The following ELMOD3 variants were observed in gnomAD, a reference collection of about 807,000 sequenced individuals.
ELMOD3 encodes ELMO domain containing 3.
A neutral mutation model predicts 47.4 loss-of-function variants in ELMOD3; 36 were observed. The observed-to-expected ratio is 0.76, with a 90% CI of 0.58 to 1.00. ELMOD3 has a LOEUF of 1.00. Ranked by LOEUF, ELMOD3 falls within the 50% of genes least tolerant of loss-of-function variation. The pLI is 0.00. For synonymous variants in ELMOD3, 149 were observed against 183.5 expected (o/e 0.81, Z 1.52); for missense variants, 404 against 463.8 (o/e 0.87, Z 1.18).
rs1686342714 is a variant in ELMOD3 at position 85,391,374 on chromosome 2, C to T, written c.*412C>T. 1 of 182,502 alleles carries T rather than the reference C, an allele frequency of 5.5e-6. No homozygotes were observed. Among genetic ancestry groups the T allele is most frequent in the Non-Finnish European group, 1.2e-5 (1 of 86,732 alleles). The allele number at this position is 182,502 out of a possible 1,614,324, so 11.3% of individuals were successfully genotyped here. A position where few individuals can be genotyped will look rare whatever the true frequency, so the allele number is the denominator to read the frequency against. On this transcript the variant is annotated 3_prime_UTR_variant, in exon 14 of 14. Transcript: ENST00000409013. ...CTGGCAGCAGCAGGGCTTTCAGGCACCAGTGTCTGTGTTGTTAGAACTCAG... is the reference window on the plus strand; with the variant it reads ...CTGGCAGCAGCAGGGCTTTCAGGCATCAGTGTCTGTGTTGTTAGAACTCAG...
Position 85,371,504 on chromosome 2 carries a change from CG to C in ELMOD3, c.551del (p.Gly184AlafsTer27), listed in dbSNP as rs750341592. 68 of 1,614,044 alleles carry C rather than the reference CG, an allele frequency of 4.2e-5. No individual in the cohort carries two copies. The highest frequency in any genetic ancestry group is 5.6e-5 in the Non-Finnish European group (66 of 1,180,036). On this transcript the variant is annotated frameshift_variant, in exon 10 of 14. Transcript: ENST00000409013. LOFTEE classifies it high-confidence loss of function. ...VLQTIYKKLTGSKFDCALHGN... is the reference protein window; with the variant it reads ...VLQTIYKKLTXSKFDCALHGN... Reference sequence around the variant, plus strand: ...TCCAGACCATCTATAAGAAGCTGACCGGCTCCAAGTTTGACTGTGCCCTTCA... The same window carrying C: ...TCCAGACCATCTATAAGAAGCTGACCGCTCCAAGTTTGACTGTGCCCTTCA...
chr2:85,382,521 C>CTTTTTTTTT lies in ELMOD3; in HGVS notation c.738+5050_738+5058dup, dbSNP rs112459154. 3.2e-3 allele frequency among the ~76,000 whole-genome samples: 452 copies of CTTTTTTTTT among 143,232 alleles called. 6 individuals are homozygous for CTTTTTTTTT. Among genetic ancestry groups the CTTTTTTTTT allele is most frequent in the African/African-American group, 7.0e-3 (270 of 38,758 alleles). 94.0% of individuals were successfully genotyped at this position (143,232 alleles called of 152,430 possible). ...GCCCTGTAACTCAATGTCACAAGGA[C>CTTTTTTTTT]TTTTTTTTTTTGAGACAGAGTCTCA... On this transcript the variant is annotated intron_variant, in intron 11 of 13. Transcript: ENST00000409013.
chr2:85,387,387 C>T (rs374136867), intron 11 of ELMOD3, among the ~76,000 whole-genome samples: 16 of 152,212 alleles, frequency 1.1e-4, no homozygotes, highest in African/African-American at 3.9e-4. Context: ...TAAGGCCAGG[C>T]GCAGTGGCTC....
At chr2:85,379,194 ATTTTG>A (rs950331637) in intron 11 of ELMOD3, among the ~76,000 whole-genome samples, 3 of 152,050 alleles carry the variant, frequency 2.0e-5, no homozygotes, top group African/African-American at 7.3e-5. Flanking sequence ...TTAAAACATT[ATTTTG>A]TTTTGTTTTG....
At position 85,354,804 on chromosome 2, in the gene ELMOD3, C is replaced by A. The variant is rs919088414; in HGVS notation, c.-397C>A. 7 of 303,952 alleles carry A rather than the reference C, an allele frequency of 2.3e-5. No individual in the cohort carries two copies. The highest frequency in any genetic ancestry group is 1.3e-4 in the African/African-American group (6 of 45,698). 18.8% of individuals were successfully genotyped at this position (303,952 alleles called of 1,614,324 possible). Reference sequence around the variant, plus strand: ...GAGGCCTAGCCGAGGCGGCGGGACCCCCAAGTTTGGAAAGCTCTTTTAACG... The same window carrying A: ...GAGGCCTAGCCGAGGCGGCGGGACCACCAAGTTTGGAAAGCTCTTTTAACG... On this transcript the variant is annotated 5_prime_UTR_variant, in exon 1 of 14. Transcript: ENST00000409013.
chr2:85,368,012 C>T (rs1684520410), intron 6 of ELMOD3, among the ~76,000 whole-genome samples: 1 of 152,006 alleles, frequency 6.6e-6, no homozygotes, highest in Non-Finnish European at 1.5e-5. Flanking sequence ...CCCGCGTTCA[C>T]GCATTCTCCT....
chr2:85,373,454 A>C (rs1684946781), intron 10 of ELMOD3, among the ~76,000 whole-genome samples: 1 of 152,162 alleles, frequency 6.6e-6, no homozygotes, highest in African/African-American at 2.4e-5. Context: ...TTTTTTGAGG[A>C]GGGGTTCTCA....
chr2:85,366,098 A>G (rs1320412749), intron 6 of ELMOD3, among the ~76,000 whole-genome samples: 2 of 151,152 alleles, frequency 1.3e-5, no homozygotes, highest in Non-Finnish European at 2.9e-5. Context: ...AGCTGGGATT[A>G]CAGGCATCTG....
At chr2:85,387,272 G>A (rs1027998482) in intron 11 of ELMOD3, 2 of 1,132,174 alleles carry the variant, frequency 1.8e-6, no homozygotes, top group African/African-American at 3.3e-5. Flanking sequence ...CTTGGGCCAG[G>A]TGTTGTGCCT....
In ELMOD3 at chr2:85,376,933, T is replaced by G. The variant is rs1215885215; in HGVS notation, c.608-411T>G. 6.5e-6 allele frequency: 1 copy of G among 152,710 alleles called. No homozygotes were observed. Among genetic ancestry groups the G allele is most frequent in the African/African-American group, 2.4e-5 (1 of 41,476 alleles). 9.5% of individuals were successfully genotyped at this position (152,710 alleles called of 1,614,324 possible). A position where few individuals can be genotyped will look rare whatever the true frequency, so the allele number is the denominator to read the frequency against. On this transcript the variant is annotated intron_variant, in intron 10 of 13. Coordinates refer to ENST00000409013, the MANE Select transcript of ELMOD3 (RefSeq NM_001135022.2). The surrounding 1 kb of genome is among the most constrained non-coding windows in gnomAD (Gnocchi z 4.2). ...AGATTCCTAGTAAGTCTGTCTTCCC[T>G]CCTTTCAGAGCCTTCTGTTTATTTT...
At chr2:85,367,915 TC>T (rs1684507919) in intron 6 of ELMOD3, among the ~76,000 whole-genome samples, 1 of 151,656 alleles carries the variant, frequency 6.6e-6, no homozygotes, top group African/African-American at 2.4e-5. Context: ...ACTTTTCTTT[TC>T]TTTTTTTTTT....
chr2:85,387,076 T>C, intron 11 of ELMOD3: 1 of 1,300,786 alleles, frequency 7.7e-7, no homozygotes, highest in South Asian at 1.2e-5. Flanking sequence ...TACCATACTG[T>C]TTTTCTCATA....
At chr2:85,384,741 A>G (rs1685815511) in intron 11 of ELMOD3, among the ~76,000 whole-genome samples, 2 of 152,080 alleles carry the variant, frequency 1.3e-5, no homozygotes, top group African/African-American at 4.8e-5. Flanking sequence ...TACCATGCCC[A>G]GCTAATTTTA....
chr2:85,370,145 G>T (rs1289927307), intron 8 of ELMOD3, among the ~76,000 whole-genome samples: 1 of 152,184 alleles, frequency 6.6e-6, no homozygotes, highest in African/African-American at 2.4e-5. Context: ...ACTGTTCAGG[G>T]AGCTGAGTGA....
chr2:85,389,852 T>A (rs1040381025), intron 12 of ELMOD3, 25 bp downstream of exon 12: 1 of 1,597,184 alleles, frequency 6.3e-7, no homozygotes, highest in Non-Finnish European at 8.6e-7. Context: ...ACCAGCTGGT[T>A]AGAGTGACCC....
rs1310665655 is a variant in ELMOD3, at chr2:85,355,548, G to A, written c.-276-7G>A. On this transcript the variant is annotated splice_region_variant and splice_polypyrimidine_tract_variant and intron_variant, in intron 2 of 13. Transcript: ENST00000409013. ...TGGAATTGTTGCTCTTTTCTTCTCT[G>A]CTACAGATAGTAACTGTCCCTACTG... 6.6e-6 allele frequency: 1 copy of A among 152,182 alleles called. No individual in the cohort carries two copies. The highest frequency in any genetic ancestry group is 1.5e-5 in the Non-Finnish European group (1 of 68,046). 9.4% of individuals were successfully genotyped at this position (152,182 alleles called of 1,614,324 possible). A position where few individuals can be genotyped will look rare whatever the true frequency, so the allele number is the denominator to read the frequency against.
intron 11 of ELMOD3, among the ~76,000 whole-genome samples, chr2:85,378,271 G>A (rs1382761534): frequency 2.0e-5 from 3 of 152,224 alleles, no homozygotes; most frequent in East Asian, 1.9e-4. Flanking sequence ...GAAGAGGAAC[G>A]TCTACTTTAC....
chr2:85,378,876 C>A (rs1417336916), intron 11 of ELMOD3, among the ~76,000 whole-genome samples: 1 of 152,064 alleles, frequency 6.6e-6, no homozygotes, highest in Non-Finnish European at 1.5e-5. Context: ...GGATAGGTCC[C>A]CGAGTTATTA....
chr2:85,374,315 A>G (rs973462135), intron 10 of ELMOD3, among the ~76,000 whole-genome samples: 1 of 152,118 alleles, frequency 6.6e-6, no homozygotes. Context: ...AGCCTGGGCA[A>G]CATTATGAGA....
Sources: allele counts gnomAD v4.1 joint callset (sites outside exome capture counted in the v4.1 genomes callset), GRCh38; gene constraint gnomAD v4.1.1; non-coding constraint Gnocchi (gnomAD v3.1); transcripts MANE v1.5; gene names NCBI Gene and HGNC (gene_info 2026-07-23, HGNC 2026-07-21).